PDIA6: variants seen among roughly 807,000 people sequenced by gnomAD.
The protein encoded by PDIA6 is protein disulfide-isomerase A6.
Under a neutral mutation model 58.4 loss-of-function variants are expected in PDIA6, and 29 were observed. That is an observed-to-expected ratio of 0.50 (90% CI 0.37 to 0.68). The LOEUF is 0.68. Among genes scored for constraint, PDIA6 ranks in the 30% least tolerant of loss-of-function variants. PDIA6 has a pLI of 0.00. For synonymous variants in PDIA6, 192 were observed against 202.6 expected (o/e 0.95, Z 0.44); for missense variants, 480 against 551.0 (o/e 0.87, Z 1.29).
intron 6 of PDIA6, 104 bp from the exon 7 acceptor site, chr2:10,790,937 T>C (rs1734420): frequency 0.54 from 408,305 of 755,014 alleles, 114,162 homozygotes; most frequent in Middle Eastern, 0.61. Context: ...GCAGCCTCAA[T>C]CTCCTGGGCT....
chr2:10,809,302 G>C (rs1026761601), intron 1 of PDIA6, among the ~76,000 whole-genome samples: 1 of 152,154 alleles, frequency 6.6e-6, no homozygotes. Flanking sequence ...CAGAAAAGGT[G>C]AAGTAGAGTT....
At chr2:10,794,495 T>C (rs185667387) in intron 4 of PDIA6, among the ~76,000 whole-genome samples, 142 of 144,178 alleles carry the variant, frequency 9.8e-4, no homozygotes, top group African/African-American at 3.5e-3. Flanking sequence ...TTTTTAGAGT[T>C]TTCTCAAACT....
intron 1 of PDIA6, among the ~76,000 whole-genome samples, chr2:10,825,493 A>G (rs1004136534): frequency 2.1e-4 from 32 of 152,268 alleles, no homozygotes; most frequent in African/African-American, 7.7e-4. Context: ...GGAATTCATC[A>G]AATTAAAACC....
In PDIA6 at chr2:10,810,322, T is replaced by TTAGG. The variant is rs1220929663; in HGVS notation, c.19+2352_19+2355dup. The TTAGG allele has an allele frequency of 5.9e-6, 9 of 1,529,432 alleles. No homozygotes were observed. The African/African-American group carries it at 8.2e-5, about 14-fold the overall frequency. The allele number at this position is 1,529,432 out of a possible 1,614,324, so 94.7% of individuals were successfully genotyped here. On this transcript the variant is annotated intron_variant, in intron 1 of 12. Transcript: ENST00000272227. ...CAGGGGTATAATCCACAGAGCATCA[T>TTAGG]TAGGTAGACTGTGGCAGAATTAGGT...
At chr2:10,784,845 G>C (rs1665628507) in intron 12 of PDIA6, 89 bp downstream of exon 12, 4 of 957,470 alleles carry the variant, frequency 4.2e-6, no homozygotes, top group Non-Finnish European at 3.3e-6. Flanking sequence ...GGTCTGATGG[G>C]AAGGACTTGA....
At chr2:10,836,761 G>C (rs966999480), upstream of PDIA6, among the ~76,000 whole-genome samples, 1 of 151,832 alleles carries the variant, frequency 6.6e-6, no homozygotes, top group African/African-American at 2.4e-5. Flanking sequence ...TTTATATTGT[G>C]TCTTTTCATT....
At chr2:10,819,997 C>A (rs140790641) in intron 1 of PDIA6, among the ~76,000 whole-genome samples, 1 of 152,188 alleles carries the variant, frequency 6.6e-6, no homozygotes, top group Non-Finnish European at 1.5e-5. Flanking sequence ...CTCACAGCAG[C>A]CCTGCAGTTA....
chr2:10,787,338 A>G lies in PDIA6; in HGVS notation c.1100T>C (p.Met367Thr). Residue 367 changes from methionine (M) to threonine (T), a missense_variant, in exon 11 of 13, where the codon ATG (methionine) becomes ACG (threonine). By Grantham distance (81) the Met-to-Thr change is moderately conservative. Coordinates refer to ENST00000272227, the MANE Select transcript of PDIA6 (RefSeq NM_005742.4). ...GGAGCCTTTTAGCAGAGCAAATTTC[A>G]TCTTGCGTGCATTGATGGCGGCCAT... ...PAMAAINARKMKFALLKGSFS... is the reference protein window; with the variant it reads ...PAMAAINARKTKFALLKGSFS... 2 of 1,614,214 alleles carry G rather than the reference A, an allele frequency of 1.2e-6. No homozygotes were observed. The highest frequency in any genetic ancestry group is 1.7e-6 in the Non-Finnish European group (2 of 1,180,046).
At chr2:10,834,721 C>CCCTCCCTCCCTCCCTCCCTTCCTTCCTT (rs1303608003), upstream of PDIA6, among the ~76,000 whole-genome samples, 1 of 45,474 alleles carries the variant, frequency 2.2e-5, no homozygotes, top group African/African-American at 8.4e-5. Flanking sequence ...CTCCCTCCCT[C>CCCTCCCTCCCTCCCTCCCTTCCTTCCTT]CCTTCCTTCC....
At chr2:10,830,901 G>A (rs138334282) in intron 1 of PDIA6, among the ~76,000 whole-genome samples, 68 of 152,280 alleles carry the variant, frequency 4.5e-4, no homozygotes, top group African/African-American at 1.6e-3. Context: ...TGGGCGCTTG[G>A]CCACGTCAGC....
intron 1 of PDIA6, among the ~76,000 whole-genome samples, chr2:10,820,482 T>C (rs1206287331): frequency 6.6e-6 from 1 of 152,234 alleles, no homozygotes; most frequent in Non-Finnish European, 1.5e-5. Context: ...ATGGTGGACA[T>C]GTCCAGCCCC....
chr2:10,798,167 AG>A (rs773803410), intron 2 of PDIA6, among the ~76,000 whole-genome samples: 1 of 152,226 alleles, frequency 6.6e-6, no homozygotes, highest in Non-Finnish European at 1.5e-5. Flanking sequence ...CCTGGGCAAC[AG>A]AGTGAGATTC....
Position 10,784,252 on chromosome 2 carries a change from T to C in PDIA6, c.*6A>G. 1.2e-6 allele frequency: 2 copies of C among 1,610,242 alleles called. No individual in the cohort carries two copies. Among genetic ancestry groups the C allele is most frequent in the Non-Finnish European group, 8.5e-7 (1 of 1,177,618 alleles). On this transcript the variant is annotated 3_prime_UTR_variant, in exon 13 of 13. Coordinates refer to ENST00000272227, the MANE Select transcript of PDIA6 (RefSeq NM_005742.4). ...AGAAAATGGTCTGAAGCCTCTGTTG[T>C]GGCTCTCACAACTCATCTTTCCCTA...
upstream of PDIA6, among the ~76,000 whole-genome samples, chr2:10,835,534 G>C (rs1324941207): frequency 2.0e-5 from 3 of 152,202 alleles, no homozygotes; most frequent in African/African-American, 7.2e-5. Context: ...AGGCAGGTGG[G>C]GCCCAGGGAG....
intron 1 of PDIA6, among the ~76,000 whole-genome samples, chr2:10,807,338 A>G (rs1266706676): frequency 6.6e-6 from 1 of 152,196 alleles, no homozygotes; most frequent in Non-Finnish European, 1.5e-5. Flanking sequence ...CAGCACCCCC[A>G]GTAGCTGGGA....
upstream of PDIA6, among the ~76,000 whole-genome samples, chr2:10,835,747 G>A (rs1040140883): frequency 6.6e-6 from 1 of 152,284 alleles, no homozygotes; most frequent in Non-Finnish European, 1.5e-5. Flanking sequence ...GGGATCCTAT[G>A]AAATCACAAT....
Position 10,784,236 on chromosome 2 carries a change from T to A in PDIA6, c.*22A>T. 1.3e-6 allele frequency: 2 copies of A among 1,597,154 alleles called. No individual in the cohort carries two copies. Among genetic ancestry groups the A allele is most frequent in the Admixed American group, 1.7e-5 (1 of 58,356 alleles). ...ACTGGCTCCCAAGAAAAGAAAATGGTCTGAAGCCTCTGTTGTGGCTCTCAC... is the reference window on the plus strand; with the variant it reads ...ACTGGCTCCCAAGAAAAGAAAATGGACTGAAGCCTCTGTTGTGGCTCTCAC... On this transcript the variant is annotated 3_prime_UTR_variant, in exon 13 of 13. Coordinates refer to ENST00000272227, the MANE Select transcript of PDIA6 (RefSeq NM_005742.4).
intron 1 of PDIA6, chr2:10,810,210 C>G (rs1666944977): frequency 9.0e-7 from 1 of 1,107,428 alleles, no homozygotes; most frequent in Non-Finnish European, 1.3e-6. Context: ...ATTTCACAGA[C>G]CAGGAAACTT....
intron 2 of PDIA6, 25 bp downstream of exon 2, chr2:10,802,474 T>C (rs773884803): frequency 1.2e-5 from 16 of 1,293,734 alleles, no homozygotes; most frequent in African/African-American, 1.5e-5. Flanking sequence ...CTATAAATAA[T>C]CTACAACTAT....
Sources: gnomAD v4.1 joint callset for allele counts (sites outside exome capture counted in the v4.1 genomes callset) on GRCh38, gnomAD v4.1.1 for gene constraint, MANE v1.5 for transcripts, NCBI Gene and HGNC (gene_info 2026-07-23, HGNC 2026-07-21) for gene names.